Variants in UBAC2 observed in about 807,000 individuals in gnomAD.
The protein encoded by UBAC2 is ubiquitin-associated domain-containing protein 2.
In UBAC2, 26 loss-of-function variants were observed where a neutral mutation model predicts 44.0. The ratio of observed to expected loss-of-function variants is 0.59; its 90% CI spans 0.43 to 0.82. UBAC2 has a LOEUF of 0.82. Ranked by LOEUF, UBAC2 falls within the 40% of genes least tolerant of loss-of-function variation. UBAC2 has a pLI of 0.00. For missense variants in UBAC2, 329 were observed against 419.4 expected, an observed-to-expected ratio of 0.78 and a Z score of 1.88; for synonymous variants, 155 against 154.3, an observed-to-expected ratio of 1.00 and a Z score of -0.04.
At chr13:99,338,603 C>T (rs2044837152) in intron 6 of UBAC2, among the ~76,000 whole-genome samples, 1 of 152,144 alleles carries the variant, frequency 6.6e-6, no homozygotes, top group Non-Finnish European at 1.5e-5. Context: ...GTTTCATGGA[C>T]CTTGGAGTTT....
chr13:99,290,201 C>G (rs1264935960), intron 4 of UBAC2, among the ~76,000 whole-genome samples: 1 of 152,156 alleles, frequency 6.6e-6, no homozygotes, highest in African/African-American at 2.4e-5. Context: ...ATAGAACAAG[C>G]CTCACAGCAT....
At chr13:99,327,358 C>T (rs2044653203) in intron 6 of UBAC2, among the ~76,000 whole-genome samples, 1 of 152,184 alleles carries the variant, frequency 6.6e-6, no homozygotes, top group Non-Finnish European at 1.5e-5. Context: ...ATGTCCGTTG[C>T]AGGACAGAAC....
intron 4 of UBAC2, among the ~76,000 whole-genome samples, chr13:99,252,946 A>C (rs1285283871): frequency 6.6e-6 from 1 of 151,916 alleles, no homozygotes; most frequent in Non-Finnish European, 1.5e-5. Flanking sequence ...TCCATCTAAT[A>C]AATTTAAGAG....
In UBAC2 at chr13:99,232,399, G is replaced by GAGATATATATATATAT. The variant is rs1367302629; in HGVS notation, c.32-6027_32-6026insGATATATATATATATA. On this transcript the variant is annotated intron_variant, in intron 1 of 8. Coordinates refer to ENST00000403766, the MANE Select transcript of UBAC2 (RefSeq NM_001144072.2). The stretch of plus-strand genomic sequence containing the variant: ...AGACCCTGTCCATCCTTAGTTGAGA[G>GAGATATATATATATAT]ATATAGATATATATATATATATTCA... Among the ~76,000 whole-genome samples the GAGATATATATATATAT allele has an allele frequency of 6.7e-4, 74 of 109,950 alleles. 1 individual carries two copies. Among genetic ancestry groups the GAGATATATATATATAT allele is most frequent in the Non-Finnish European group, 8.7e-4 (41 of 47,246 alleles). 72.1% of individuals were successfully genotyped at this position (109,950 alleles called of 152,430 possible).
chr13:99,309,131 T>G (rs944171474), intron 4 of UBAC2, among the ~76,000 whole-genome samples: 1 of 152,106 alleles, frequency 6.6e-6, no homozygotes, highest in Non-Finnish European at 1.5e-5. Flanking sequence ...TTTTTTTTTT[T>G]GAGACAGAGT....
chr13:99,281,496 G>T (rs568730346), intron 4 of UBAC2, among the ~76,000 whole-genome samples: 157 of 152,194 alleles, frequency 1.0e-3, no homozygotes, highest in African/African-American at 3.7e-3. Flanking sequence ...GCAAGCACAC[G>T]CCAGGCTCAT....
chr13:99,255,687 C>T, intron 4 of UBAC2: 1 of 1,613,968 alleles, frequency 6.2e-7, no homozygotes, highest in Non-Finnish European at 8.5e-7. Context: ...ATGCCACATT[C>T]ATCATATAGA....
chr13:99,339,225 G>T (rs1315485111), intron 6 of UBAC2, among the ~76,000 whole-genome samples: 1 of 152,138 alleles, frequency 6.6e-6, no homozygotes, highest in Non-Finnish European at 1.5e-5. Context: ...TATTTCCCCA[G>T]TTCATCAAGT....
chr13:99,297,606 T>C (rs2044195788), intron 4 of UBAC2, among the ~76,000 whole-genome samples: 1 of 152,010 alleles, frequency 6.6e-6, no homozygotes, highest in Non-Finnish European at 1.5e-5. Context: ...AGGTTAGTCA[T>C]TATAACCTAA....
At chr13:99,317,862 A>G (rs1314845024) in intron 5 of UBAC2, among the ~76,000 whole-genome samples, 160 bp from the exon 6 acceptor site, 1 of 152,168 alleles carries the variant, frequency 6.6e-6, no homozygotes, top group Non-Finnish European at 1.5e-5. Context: ...TCTTTTAAGT[A>G]ACAGTTGATA....
At chr13:99,370,398 A>C (rs1450579229) in intron 8 of UBAC2, among the ~76,000 whole-genome samples, 7 of 152,244 alleles carry the variant, frequency 4.6e-5, no homozygotes, top group African/African-American at 1.7e-4. Context: ...TCTAAGTTTG[A>C]AATTATTTCA....
intron 8 of UBAC2, chr13:99,376,782 G>A (rs910714382): frequency 2.6e-5 from 4 of 152,222 alleles, no homozygotes; most frequent in African/African-American, 9.6e-5. Flanking sequence ...ATATTTTGTG[G>A]TGAGGATTTT....
At chr13:99,338,547 T>C (rs999583325) in intron 6 of UBAC2, among the ~76,000 whole-genome samples, 52 of 152,370 alleles carry the variant, frequency 3.4e-4, no homozygotes, top group Middle Eastern at 3.4e-3. Flanking sequence ...TTATAATCAC[T>C]TGATAAGCTT....
intron 7 of UBAC2, among the ~76,000 whole-genome samples, chr13:99,342,562 C>T (rs1385816251): frequency 1.3e-5 from 2 of 152,022 alleles, no homozygotes; most frequent in African/African-American, 4.8e-5. Flanking sequence ...TGAGGGGGAC[C>T]CACACATTCC....
intron 4 of UBAC2, among the ~76,000 whole-genome samples, chr13:99,257,007 G>A (rs2043573637): frequency 6.6e-6 from 1 of 152,090 alleles, no homozygotes; most frequent in African/African-American, 2.4e-5. Context: ...GTGGCATCAC[G>A]GGCTATTGAT....
Position 99,295,667 on chromosome 13 carries a change from A to C in UBAC2, c.390-18430A>C. 6.2e-7 allele frequency: 1 copy of C among 1,614,174 alleles called. No individual in the cohort carries two copies. Among genetic ancestry groups the C allele is most frequent in the South Asian group, 1.1e-5 (1 of 91,086 alleles). ...GATGAGGAGTGGGAGTGTCTGAGCA[A>C]ATACTAGAATCCAGACAAATATGCA... On this transcript the variant is annotated intron_variant, in intron 4 of 8. Coordinates refer to ENST00000403766, the MANE Select transcript of UBAC2 (RefSeq NM_001144072.2). This position sits in a 1 kb window ranked among gnomAD's most constrained non-coding sequence, Gnocchi z 4.1.
intron 2 of UBAC2, among the ~76,000 whole-genome samples, chr13:99,238,883 A>T (rs931011512): frequency 6.6e-6 from 1 of 152,238 alleles, no homozygotes; most frequent in African/African-American, 2.4e-5. Flanking sequence ...AGCTTTGCCA[A>T]AACCTTGTCT....
chr13:99,231,120 T>C (rs1302303276), intron 1 of UBAC2, among the ~76,000 whole-genome samples: 1 of 152,204 alleles, frequency 6.6e-6, no homozygotes, highest in Non-Finnish European at 1.5e-5. Flanking sequence ...CAAGGACATC[T>C]GATTAGCAAC....
At chr13:99,221,437 CAGTGT>C (rs1181917771) in intron 1 of UBAC2, among the ~76,000 whole-genome samples, 1 of 152,190 alleles carries the variant, frequency 6.6e-6, no homozygotes, top group Non-Finnish European at 1.5e-5. Context: ...TATGGCAGTG[CAGTGT>C]AGTCAGTTGT....
Sources: allele counts gnomAD v4.1 joint callset (sites outside exome capture counted in the v4.1 genomes callset), GRCh38; gene constraint gnomAD v4.1.1; non-coding constraint Gnocchi (gnomAD v3.1); transcripts MANE v1.5; gene names NCBI Gene and HGNC (gene_info 2026-07-23, HGNC 2026-07-21).